Variants in ASIC2 observed in about 807,000 individuals in gnomAD.
ASIC2 encodes the protein acid sensing ion channel subunit 2.
Under a neutral mutation model 57.3 loss-of-function variants are expected in ASIC2, and 25 were observed. The observed-to-expected ratio is 0.44, with a 90% confidence interval of 0.32 to 0.61. ASIC2 has a LOEUF of 0.61. Among genes scored for constraint, ASIC2 ranks in the 20% least tolerant of loss-of-function variants. ASIC2 has a pLI of 0.06. For missense variants in ASIC2, 641 were observed against 738.1 expected (o/e 0.87, Z 1.52); for synonymous variants, 319 against 307.5 (o/e 1.04, Z -0.39).
At chr17:33,714,648 C>CTT (rs1909153434) in intron 1 of ASIC2, among the ~76,000 whole-genome samples, 1 of 152,108 alleles carries the variant, frequency 6.6e-6, no homozygotes, top group South Asian at 2.1e-4. Flanking sequence ...TCTCGATTGC[C>CTT]TTTAGGCTTT....
In ASIC2 at chr17:33,013,428, G is replaced by C. The variant is rs1309995226; in HGVS notation, c.*537C>G. On this transcript the variant is annotated 3_prime_UTR_variant, in exon 10 of 10. Coordinates refer to ENST00000225823, the MANE Select transcript of ASIC2 (RefSeq NM_183377.2). ...GTCACCTTTGGCGCCGAAGCCCCATGGGCAGCTTGGGGAAAAGGGGGTTTT... is the reference window on the plus strand; with the variant it reads ...GTCACCTTTGGCGCCGAAGCCCCATCGGCAGCTTGGGGAAAAGGGGGTTTT... The C allele has an allele frequency of 6.5e-6, 1 of 154,770 alleles. No homozygotes were observed. Among genetic ancestry groups the C allele is most frequent in the Non-Finnish European group, 1.4e-5 (1 of 69,324 alleles). The allele number at this position is 154,770 out of a possible 1,614,324, so 9.6% of individuals were successfully genotyped here. A position where few individuals can be genotyped will look rare whatever the true frequency, so the allele number is the denominator to read the frequency against.
At chr17:33,735,515 A>G (rs1375462206) in intron 1 of ASIC2, among the ~76,000 whole-genome samples, 1 of 152,144 alleles carries the variant, frequency 6.6e-6, no homozygotes, top group African/African-American at 2.4e-5. Flanking sequence ...AGAGGTAGAG[A>G]AATGAGAGGG....
chr17:33,415,745 C>G (rs1323757689), intron 1 of ASIC2, among the ~76,000 whole-genome samples: 2 of 152,064 alleles, frequency 1.3e-5, no homozygotes, highest in Non-Finnish European at 2.9e-5. Context: ...AATAAGATAG[C>G]AGAGAGAGCA....
intron 1 of ASIC2, among the ~76,000 whole-genome samples, chr17:33,600,707 T>C (rs1294591861): frequency 6.6e-6 from 1 of 152,130 alleles, no homozygotes; most frequent in Admixed American, 6.5e-5. Flanking sequence ...GTTCCAATAA[T>C]GGAACACTAG....
intron 1 of ASIC2, among the ~76,000 whole-genome samples, chr17:33,262,811 G>C (rs550348954): frequency 9.1e-4 from 138 of 152,288 alleles, no homozygotes; most frequent in Non-Finnish European, 1.6e-3. Context: ...TACTATGAGA[G>C]GGAAAAGGAG....
intron 1 of ASIC2, among the ~76,000 whole-genome samples, chr17:33,525,182 A>T (rs1287689188): frequency 6.6e-6 from 1 of 152,186 alleles, no homozygotes; most frequent in Non-Finnish European, 1.5e-5. Context: ...ACAGGAGGGC[A>T]TGCTGGCTGA....
chr17:33,480,498 G>A (rs969356713), intron 1 of ASIC2, among the ~76,000 whole-genome samples: 1 of 152,134 alleles, frequency 6.6e-6, no homozygotes, highest in Non-Finnish European at 1.5e-5. Context: ...ATTGGAAAAA[G>A]TCCATGAGGT....
intron 1 of ASIC2, among the ~76,000 whole-genome samples, chr17:33,549,286 G>A (rs1342053537): frequency 6.6e-5 from 10 of 152,170 alleles, no homozygotes; most frequent in African/African-American, 2.4e-4. Context: ...GGCTGCAGAA[G>A]ACAGGGTGCA....
chr17:33,818,702 C>T (rs141280075), intron 1 of ASIC2, among the ~76,000 whole-genome samples: 311 of 152,286 alleles, frequency 2.0e-3, no homozygotes, highest in African/African-American at 7.3e-3. Context: ...CCTAAAATGT[C>T]AATAGTGCTG....
At chr17:33,718,096 A>G (rs1243070654) in intron 1 of ASIC2, among the ~76,000 whole-genome samples, 1 of 152,158 alleles carries the variant, frequency 6.6e-6, no homozygotes, top group Non-Finnish European at 1.5e-5. Flanking sequence ...AAATCTGCGA[A>G]TGCTCAAGTC....
At chr17:33,195,867 C>G (rs1273362301) in intron 1 of ASIC2, among the ~76,000 whole-genome samples, 1 of 152,212 alleles carries the variant, frequency 6.6e-6, no homozygotes, top group Admixed American at 6.5e-5. Context: ...GGCACTCCTG[C>G]TTACCTGTTG....
rs76513533 is a variant in ASIC2, at chr17:33,057,221, A to T, written c.988-28829T>A. The stretch of plus-strand genomic sequence containing the variant: ...AGTTGGTGTGGGGTGAGGTCCAGGA[A>T]TGCATTTAACCTGCTTCCCGGCTGC... On this transcript the variant is annotated intron_variant, in intron 3 of 9. Coordinates refer to ENST00000225823, the MANE Select transcript of ASIC2 (RefSeq NM_183377.2). 5.1e-3 allele frequency among the ~76,000 whole-genome samples: 775 copies of T among 152,322 alleles called. 4 individuals carry two copies. Among genetic ancestry groups the T allele is most frequent in the Non-Finnish European group, 7.1e-3 (482 of 68,028 alleles).
chr17:33,788,626 C>A (rs1911675326), intron 1 of ASIC2, among the ~76,000 whole-genome samples: 2 of 152,112 alleles, frequency 1.3e-5, no homozygotes, highest in South Asian at 4.1e-4. Context: ...CAACACTTTA[C>A]AATAGCAAAG....
intron 1 of ASIC2, among the ~76,000 whole-genome samples, chr17:34,142,044 GC>G (rs1339844699): frequency 2.4e-4 from 36 of 152,258 alleles, no homozygotes; most frequent in African/African-American, 8.7e-4. Flanking sequence ...TAGCTAACAG[GC>G]CCGGGGGAAT....
At chr17:33,187,105 G>A (rs1027284286) in intron 1 of ASIC2, among the ~76,000 whole-genome samples, 2 of 152,112 alleles carry the variant, frequency 1.3e-5, no homozygotes, top group Non-Finnish European at 2.9e-5. Flanking sequence ...TCTGAATCCC[G>A]GCGAAACCAT....
chr17:34,023,038 A>T (rs1353539380), intron 1 of ASIC2, among the ~76,000 whole-genome samples: 1 of 151,994 alleles, frequency 6.6e-6, no homozygotes, highest in East Asian at 1.9e-4. Context: ...GCCTTCTGCC[A>T]TGCTTGTAAG....
chr17:33,745,958 A>G lies in ASIC2; in HGVS notation c.555+410020T>C, dbSNP rs116362088. On this transcript the variant is annotated intron_variant, in intron 1 of 9. Coordinates refer to the ASIC2 transcript ENST00000359872. ...AACTGATTTAAAAACAAATTGTATA[A>G]AACAATATGTATATAATTGCATTGT... is the stretch of plus-strand genomic sequence containing the variant. Among the ~76,000 whole-genome samples, 698 of 152,252 alleles carry G rather than the reference A, an allele frequency of 4.6e-3. 1 individual carries two copies. Among genetic ancestry groups the G allele is most frequent in the Middle Eastern group, 0.02 (6 of 294 alleles).
intron 1 of ASIC2, among the ~76,000 whole-genome samples, chr17:33,339,609 G>A (rs1907650060): frequency 6.6e-6 from 1 of 152,178 alleles, no homozygotes; most frequent in African/African-American, 2.4e-5. Flanking sequence ...GCCCGGCACG[G>A]TGTCTTGCCC....
intron 1 of ASIC2, among the ~76,000 whole-genome samples, chr17:33,388,223 G>A (rs1403667626): frequency 6.6e-6 from 1 of 152,258 alleles, no homozygotes; most frequent in Non-Finnish European, 1.5e-5. Flanking sequence ...GCCAGCAGAA[G>A]CTGAAAGAGG....
Sources: gnomAD v4.1 joint callset for allele counts (sites outside exome capture counted in the v4.1 genomes callset) on GRCh38, gnomAD v4.1.1 for gene constraint, MANE v1.5 for transcripts, NCBI Gene and HGNC (gene_info 2026-07-23, HGNC 2026-07-21) for gene names.